Variants in PALB2 observed in about 807,000 individuals in gnomAD.
The protein encoded by PALB2 is mutant partner and localizer of BRCA2.
In PALB2, 82 loss-of-function variants were observed where a neutral mutation model predicts 107.4. The observed-to-expected ratio is 0.76, with a 90% CI of 0.64 to 0.92. The LOEUF (loss-of-function observed/expected upper bound fraction) is 0.92. Among genes scored for constraint, PALB2 ranks in the 40% least tolerant of loss-of-function variants. PALB2 has a pLI of 0.00. For synonymous variants in PALB2, 489 were observed against 496.8 expected (o/e 0.98, Z 0.21); for missense variants, 1,374 against 1,379.9 (o/e 1.00, Z 0.07).
rs1164709092 is a variant in PALB2 at position 23,603,462 on chromosome 16, T to C, written c.3558A>G (p.Ser1186=). Residue 1186 remains serine, a synonymous_variant, in exon 13 of 13, where the codon TCA becomes TCG. Coordinates refer to ENST00000261584, the MANE Select transcript of PALB2 (RefSeq NM_024675.4). ...KDGNIFVYHY[S] is the part of the protein sequence containing the mutation. ...TGTGTTTTCACTTTACCCTAACTTA[T>C]GAATAGTGGTATACAAATATATTTC... 1 of 1,611,006 alleles carries C rather than the reference T, an allele frequency of 6.2e-7. No individual in the cohort carries two copies. The highest frequency in any genetic ancestry group is 2.2e-5 in the East Asian group (1 of 44,886).
chr16:23,618,135 C>T (rs1483628977), intron 10 of PALB2, among the ~76,000 whole-genome samples: 1 of 151,934 alleles, frequency 6.6e-6, no homozygotes, highest in African/African-American at 2.4e-5. Context: ...CTCATCTCTA[C>T]AAAAAATTTA....
At position 23,629,189 on chromosome 16, in the gene PALB2, G is replaced by T. The variant is rs144625889; in HGVS notation, c.2586+15C>A. The T allele has an allele frequency of 1.3e-6, 2 of 1,595,436 alleles. No homozygotes were observed. Among genetic ancestry groups the T allele is most frequent in the Non-Finnish European group, 1.7e-6 (2 of 1,163,662 alleles). The stretch of plus-strand genomic sequence containing the variant: ...ATGTAAGACACGAGACACTGGAAGA[G>T]AATATTCTTCTGACCTTTAACTCTG... On this transcript the variant is annotated intron_variant, in intron 6 of 12. Coordinates refer to ENST00000261584, the MANE Select transcript of PALB2 (RefSeq NM_024675.4).
chr16:23,633,382 C>T (rs562314696), intron 4 of PALB2, among the ~76,000 whole-genome samples: 185 of 152,258 alleles, frequency 1.2e-3, no homozygotes, highest in African/African-American at 4.4e-3. Context: ...TGACTGGCTG[C>T]TCTGGCACAT....
At chr16:23,639,251 A>T (rs1967141975) in intron 1 of PALB2, among the ~76,000 whole-genome samples, 1 of 152,052 alleles carries the variant, frequency 6.6e-6, no homozygotes, top group African/African-American at 2.4e-5. Context: ...AGACCTACTC[A>T]GCTGGGCGCA....
At chr16:23,627,506 A>G (rs1005922710) in intron 6 of PALB2, among the ~76,000 whole-genome samples, 1 of 151,556 alleles carries the variant, frequency 6.6e-6, no homozygotes. Context: ...AAAAAAAAAA[A>G]AAAAAGAAAA....
intron 11 of PALB2, among the ~76,000 whole-genome samples, chr16:23,611,469 T>A (rs868372630): frequency 9.0e-4 from 136 of 151,456 alleles, no homozygotes; most frequent in South Asian, 1.9e-3. Flanking sequence ...TATTATTATT[T>A]TTTTTTGAGA....
chr16:23,606,856 C>A (rs1248684562), intron 12 of PALB2, among the ~76,000 whole-genome samples: 1 of 131,730 alleles, frequency 7.6e-6, no homozygotes, highest in Non-Finnish European at 1.5e-5. Flanking sequence ...GAGTCTCGCT[C>A]TGTCTCCCAG....
At chr16:23,618,566 T>C (rs570527594) in intron 10 of PALB2, among the ~76,000 whole-genome samples, 4 of 151,908 alleles carry the variant, frequency 2.6e-5, no homozygotes, top group East Asian at 1.9e-4. Flanking sequence ...GTATTTACAA[T>C]GTAGTCGAAT....
At chr16:23,611,198 G>A (rs1966581124) in intron 11 of PALB2, among the ~76,000 whole-genome samples, 1 of 152,010 alleles carries the variant, frequency 6.6e-6, no homozygotes, top group Admixed American at 6.6e-5. Context: ...AGGCTAGAGT[G>A]CAATGGCACG....
rs1555457863 is a variant in PALB2 at position 23,603,573 on chromosome 16, G to C, written c.3447C>G (p.Ala1149=). 6.2e-7 allele frequency: 1 copy of C among 1,614,062 alleles called. No individual in the cohort carries two copies. Among genetic ancestry groups the C allele is most frequent in the Non-Finnish European group, 8.5e-7 (1 of 1,179,988 alleles). The change falls in exon 13 of 13, where the codon GCC becomes GCG. Residue 1149 remains alanine, a synonymous_variant. Transcript: ENST00000261584. ...GTTGGTCAGAGACAGGTGGGAGGAG[G>C]GCAGTACACTGACCGAGAAGTAAGT... ...IWDLLLGQCT[A]LLPPVSDQHW... is the part of the protein sequence containing the mutation.
At chr16:23,626,085 G>A (rs924073173) in intron 7 of PALB2, 151 bp downstream of exon 7, 3 of 903,688 alleles carry the variant, frequency 3.3e-6, no homozygotes. Flanking sequence ...TTTTCTGGAT[G>A]TTTGAAACTT....
chr16:23,633,163 G>T (rs914229523), intron 4 of PALB2, among the ~76,000 whole-genome samples: 14 of 152,292 alleles, frequency 9.2e-5, no homozygotes, highest in Admixed American at 3.9e-4. Flanking sequence ...ACTTTTTGAT[G>T]ACTTTGTATC....
intron 4 of PALB2, among the ~76,000 whole-genome samples, chr16:23,634,303 C>T (rs547214436): frequency 6.6e-6 from 1 of 152,298 alleles, no homozygotes; most frequent in African/African-American, 2.4e-5. Flanking sequence ...GATTCTACCT[C>T]ACATAGGACT....
At position 23,635,185 on chromosome 16, in the gene PALB2, G is replaced by A. The variant is rs587782842; in HGVS notation, c.1361C>T (p.Ser454Phe). The A allele has an allele frequency of 6.2e-7, 1 of 1,614,020 alleles. No homozygotes were observed. Among genetic ancestry groups the A allele is most frequent in the Non-Finnish European group, 8.5e-7 (1 of 1,180,026 alleles). Residue 454 changes from serine to phenylalanine, a missense_variant, in exon 4 of 13, where the codon TCC becomes TTC. Physicochemically the swap from Ser to Phe is radical, Grantham distance 155. Transcript: ENST00000261584. ...TTCACTTTGGTCAGTTTCCTCATTG[G>A]AAAGGTTTAAATTTTTACTTGCATC... is the stretch of plus-strand genomic sequence containing the variant. Reference protein sequence around the residue: ...NKDASKNLNLSNEETDQSEIR... With the variant: ...NKDASKNLNLFNEETDQSEIR...
intron 6 of PALB2, among the ~76,000 whole-genome samples, chr16:23,627,456 C>T (rs1488679347): frequency 1.4e-5 from 2 of 145,760 alleles, no homozygotes; most frequent in African/African-American, 5.1e-5. Flanking sequence ...CACTGCAGTC[C>T]GCAGTCCAGC....
In PALB2 at chr16:23,635,449, T is replaced by C. The variant is rs554849907; in HGVS notation, c.1097A>G (p.Asn366Ser). ...AATCTCACTTTCCTGAAGATTTTCA[T>C]TCCTGCCATCAAGAGTGTCACTGGG... ...KSPSDTLDGR[N>S]ENLQESEILS... Residue 366 changes from asparagine (N) to serine (S), a missense_variant, in exon 4 of 13, where the codon AAT becomes AGT. Physicochemically the swap from Asn to Ser is conservative, Grantham distance 46. Coordinates refer to ENST00000261584, the MANE Select transcript of PALB2 (RefSeq NM_024675.4). The C allele has an allele frequency of 6.2e-6, 10 of 1,614,106 alleles. No homozygotes were observed. The highest frequency in any genetic ancestry group is 1.1e-5 in the South Asian group (1 of 91,082).
chr16:23,617,104 C>A (rs941521431), intron 10 of PALB2, among the ~76,000 whole-genome samples: 1 of 152,094 alleles, frequency 6.6e-6, no homozygotes, highest in Non-Finnish European at 1.5e-5. Flanking sequence ...CGTGAGCCAC[C>A]GTGCCCGGCC....
intron 1 of PALB2, among the ~76,000 whole-genome samples, chr16:23,639,743 C>T (rs924068805): frequency 6.5e-4 from 98 of 151,804 alleles, no homozygotes; most frequent in African/African-American, 2.2e-3. Flanking sequence ...TCGCTTGAAC[C>T]TGAGAGGCGG....
At position 23,623,003 on chromosome 16, in the gene PALB2, G is replaced by A. The variant is rs118203999; in HGVS notation, c.2962C>T (p.Gln988Ter). ...VSSSGTLSDQ[Q>*]VEVMTFAEDG... ...TCTGCAAACGTCATGACTTCTACTT[G>A]TTGATCAGAAAGGGTCCCACTGCTA... The change falls in exon 9 of 13, where the codon CAA becomes TAA. Residue 988 changes from glutamine (Q) to a stop codon, truncating the protein, a stop_gained. Coordinates refer to ENST00000261584, the MANE Select transcript of PALB2 (RefSeq NM_024675.4). LOFTEE classifies it high-confidence loss of function. The A allele has an allele frequency of 1.9e-6, 3 of 1,614,092 alleles. No homozygotes were observed. The highest frequency in any genetic ancestry group is 2.5e-6 in the Non-Finnish European group (3 of 1,180,038).
Sources: allele counts gnomAD v4.1 joint callset (sites outside exome capture counted in the v4.1 genomes callset), GRCh38; gene constraint gnomAD v4.1.1; transcripts MANE v1.5; gene names NCBI Gene and HGNC (gene_info 2026-07-23, HGNC 2026-07-21).